Variants in CSMD3 observed in about 807,000 individuals in gnomAD.
CSMD3 encodes the protein CUB and sushi domain-containing protein 3.
A neutral mutation model predicts 435.2 loss-of-function variants in CSMD3; 177 were observed. The ratio of observed to expected loss-of-function variants is 0.41; its 90% CI spans 0.36 to 0.46. The LOEUF is 0.46. Ranked by LOEUF, CSMD3 falls within the 20% of genes least tolerant of loss-of-function variation. The pLI is 0.34. For synonymous variants in CSMD3, 1,656 were observed against 1,520.5 expected (o/e 1.09, Z -2.07); for missense variants, 4,265 against 4,504.6 (o/e 0.95, Z 1.52).
intron 3 of CSMD3, among the ~76,000 whole-genome samples, chr8:113,212,894 T>C (rs1037570940): frequency 7.2e-6 from 1 of 139,254 alleles, no homozygotes; most frequent in Non-Finnish European, 1.5e-5. Context: ...TAATAAAAAA[T>C]ATATATATAT....
chr8:112,818,173 C>T (rs970478457), intron 12 of CSMD3, among the ~76,000 whole-genome samples: 30 of 151,588 alleles, frequency 2.0e-4, no homozygotes, highest in African/African-American at 7.0e-4. Context: ...ACACAAAAAG[C>T]CTTATATTTA....
intron 5 of CSMD3, among the ~76,000 whole-genome samples, chr8:113,040,943 C>T (rs752461944): frequency 2.0e-5 from 3 of 152,118 alleles, no homozygotes; most frequent in Non-Finnish European, 2.9e-5. Context: ...GTGGCTCACA[C>T]CTGTAATCCC....
At chr8:113,303,382 G>A (rs977283553) in intron 2 of CSMD3, among the ~76,000 whole-genome samples, 1 of 151,226 alleles carries the variant, frequency 6.6e-6, no homozygotes, top group African/African-American at 2.4e-5. Context: ...AGCTACCAAT[G>A]ACTTTCTTCA....
At chr8:112,737,464 G>T (rs1427658753) in intron 13 of CSMD3, among the ~76,000 whole-genome samples, 1 of 151,888 alleles carries the variant, frequency 6.6e-6, no homozygotes, top group East Asian at 1.9e-4. Context: ...CCTAAAGGCA[G>T]ATTTTCCTGG....
At chr8:112,420,812 C>T (rs1563925352) in intron 32 of CSMD3, among the ~76,000 whole-genome samples, 1 of 152,118 alleles carries the variant, frequency 6.6e-6, no homozygotes, top group Non-Finnish European at 1.5e-5. Flanking sequence ...GCTCCTACTT[C>T]AGTTAGAGAA....
rs533574838 is a variant in CSMD3, at chr8:112,774,503, T to G, written c.1972+25659A>C. ...CCAATTTTATGCCTCACGGTGAAAT[T>G]ATATGCACTGAGTCGAAATCTACTT... On this transcript the variant is annotated intron_variant, in intron 13 of 70. Transcript: ENST00000297405. 6.6e-5 allele frequency among the ~76,000 whole-genome samples: 10 copies of G among 152,164 alleles called. No individual in the cohort carries two copies. In the South Asian group the frequency reaches 1.9e-3, roughly 28 times the overall value.
intron 16 of CSMD3, among the ~76,000 whole-genome samples, chr8:112,677,420 C>CA (rs34579993): frequency 0.22 from 30,662 of 141,278 alleles, 3,910 homozygotes; most frequent in Non-Finnish European, 0.31. Context: ...CATCCTAACT[C>CA]AAAAAAAAAA....
rs554719624 is a variant in CSMD3 at position 113,285,799 on chromosome 8, TCTCTCACC to T, written c.402-7103_402-7096del. 4.6e-4 allele frequency among the ~76,000 whole-genome samples: 70 copies of T among 152,342 alleles called. 2 individuals carry two copies. The East Asian group carries it at 0.013, about 29-fold the overall frequency. ...TGTCACATCTTGACAATAACTATGT[TCTCTCACC>T]CTAAATTTGTCTTTCAAAAATGCAT... On this transcript the variant is annotated intron_variant, in intron 2 of 70. Coordinates refer to ENST00000297405, the MANE Select transcript of CSMD3 (RefSeq NM_198123.2).
At chr8:112,637,208 G>A (rs1269083013) in intron 21 of CSMD3, among the ~76,000 whole-genome samples, 1 of 152,036 alleles carries the variant, frequency 6.6e-6, no homozygotes, top group Non-Finnish European at 1.5e-5. Flanking sequence ...ATAAATATTT[G>A]TATTTGTGGT....
chr8:112,645,991 G>A (rs1352528100), intron 19 of CSMD3, among the ~76,000 whole-genome samples: 3 of 152,124 alleles, frequency 2.0e-5, no homozygotes, highest in Non-Finnish European at 4.4e-5. Flanking sequence ...CACTTGGAAA[G>A]GCCAACTCTT....
intron 5 of CSMD3, among the ~76,000 whole-genome samples, chr8:113,076,829 T>C (rs1019447108): frequency 2.6e-5 from 4 of 152,184 alleles, no homozygotes; most frequent in Non-Finnish European, 4.4e-5. Context: ...TTTATAACTA[T>C]AATGTCACTG....
In CSMD3 at chr8:113,077,344, C is replaced by CA. The variant is rs574331873; in HGVS notation, c.917+21411dup. Among the ~76,000 whole-genome samples the CA allele has an allele frequency of 2.2e-3, 317 of 143,258 alleles. 1 individual carries two copies. The highest frequency in any genetic ancestry group is 3.8e-3 in the South Asian group (17 of 4,514). The allele number at this position is 143,258 out of a possible 152,430, so 94.0% of individuals were successfully genotyped here. On this transcript the variant is annotated intron_variant, in intron 5 of 70. Transcript: ENST00000297405. Reference sequence around the variant, plus strand: ...AAACACTCTAAAAAGTTACTAAAAGCAAAAAAAAAATAAAATTAAAGTTTA... The same window carrying CA: ...AAACACTCTAAAAAGTTACTAAAAGCAAAAAAAAAAATAAAATTAAAGTTTA...
At chr8:113,185,093 G>C (rs939654382) in intron 3 of CSMD3, among the ~76,000 whole-genome samples, 1 of 151,976 alleles carries the variant, frequency 6.6e-6, no homozygotes, top group African/African-American at 2.4e-5. Context: ...CAGAACTATA[G>C]GGCCATTTTT....
chr8:113,429,635 G>A (rs2094658538), intron 1 of CSMD3, among the ~76,000 whole-genome samples: 1 of 152,026 alleles, frequency 6.6e-6, no homozygotes, highest in Admixed American at 6.5e-5. Flanking sequence ...TTTACCACAA[G>A]CATATAATTA....
chr8:113,432,469 G>A (rs7825104), intron 1 of CSMD3, among the ~76,000 whole-genome samples: 437 of 152,302 alleles, frequency 2.9e-3, no homozygotes, highest in African/African-American at 8.8e-3. Context: ...CACTCCAGCG[G>A]GGCTGGGAGA....
intron 1 of CSMD3, among the ~76,000 whole-genome samples, chr8:113,326,207 A>G (rs914544904): frequency 2.6e-5 from 4 of 152,156 alleles, no homozygotes. Flanking sequence ...TTACGGTTCA[A>G]TAAGTGAAAA....
chr8:112,427,796 C>T (rs1813235897), intron 32 of CSMD3, among the ~76,000 whole-genome samples: 1 of 152,118 alleles, frequency 6.6e-6, no homozygotes, highest in African/African-American at 2.4e-5. Flanking sequence ...CTAAATGTGT[C>T]TTGATTCTCA....
intron 35 of CSMD3, among the ~76,000 whole-genome samples, chr8:112,405,194 A>AAAAAC: frequency 2.8e-5 from 1 of 35,490 alleles, no homozygotes; most frequent in Non-Finnish European, 5.3e-5. Context: ...AAAAAAAAAA[A>AAAAAC]AAAAAAAAAA....
At chr8:112,661,873 TC>T (rs990629587) in intron 17 of CSMD3, among the ~76,000 whole-genome samples, 21 of 151,948 alleles carry the variant, frequency 1.4e-4, no homozygotes, top group Non-Finnish European at 2.9e-4. Flanking sequence ...CCATTCCTAC[TC>T]CCCAACATCA....
Sources: allele counts gnomAD v4.1 joint callset (sites outside exome capture counted in the v4.1 genomes callset), GRCh38; gene constraint gnomAD v4.1.1; transcripts MANE v1.5; gene names NCBI Gene and HGNC (gene_info 2026-07-23, HGNC 2026-07-21).